Variants in GRM8 observed in about 807,000 individuals in gnomAD.
GRM8 encodes the protein metabotropic glutamate receptor 8.
In GRM8, 47 loss-of-function variants were observed where a neutral mutation model predicts 87.2. That is an observed-to-expected ratio of 0.54 (90% CI 0.43 to 0.69). GRM8 has a LOEUF of 0.69. GRM8 is among the 30% of genes least tolerant of loss of function. The pLI, the probability that GRM8 is intolerant of heterozygous loss-of-function variation, is 0.00. For synonymous variants in GRM8, 396 were observed against 404.5 expected, an observed-to-expected ratio of 0.98 and a Z score of 0.25; for missense variants, 1,019 against 1,139.2, an observed-to-expected ratio of 0.89 and a Z score of 1.52.
chr7:126,745,882 T>A (rs1386578261), intron 7 of GRM8, among the ~76,000 whole-genome samples: 3 of 151,848 alleles, frequency 2.0e-5, no homozygotes, highest in African/African-American at 7.2e-5. Flanking sequence ...CTGTATTCCA[T>A]TTATGGCATC....
intron 6 of GRM8, among the ~76,000 whole-genome samples, chr7:126,844,698 G>A (rs1410903075): frequency 1.3e-5 from 2 of 152,104 alleles, no homozygotes; most frequent in Non-Finnish European, 2.9e-5. Flanking sequence ...TCTGGGGAGA[G>A]CTCTCTTTCT....
chr7:127,250,000 A>G (rs1311439084), intron 1 of GRM8, among the ~76,000 whole-genome samples: 2 of 152,178 alleles, frequency 1.3e-5, no homozygotes, highest in Non-Finnish European at 2.9e-5. Context: ...AACTAAAGCA[A>G]GGTCATCTTT....
At chr7:127,172,257 A>G (rs1793847304) in intron 2 of GRM8, among the ~76,000 whole-genome samples, 1 of 152,150 alleles carries the variant, frequency 6.6e-6, no homozygotes, top group South Asian at 2.1e-4. Flanking sequence ...TTACTGTCAT[A>G]AACCAATAAT....
At chr7:127,055,482 A>C (rs1019755149) in intron 3 of GRM8, among the ~76,000 whole-genome samples, 1 of 152,210 alleles carries the variant, frequency 6.6e-6, no homozygotes, top group Non-Finnish European at 1.5e-5. Context: ...TAGGGAATTA[A>C]GTCACTAGTG....
At chr7:127,055,770 A>G (rs1310529771) in intron 3 of GRM8, among the ~76,000 whole-genome samples, 2 of 152,128 alleles carry the variant, frequency 1.3e-5, no homozygotes, top group African/African-American at 4.8e-5. Flanking sequence ...AATGTGTAAC[A>G]ATGCAGAAGA....
chr7:126,925,002 A>G (rs1804946996), intron 3 of GRM8, among the ~76,000 whole-genome samples: 1 of 152,180 alleles, frequency 6.6e-6, no homozygotes. Flanking sequence ...AAGAAAAGAT[A>G]TAGAAATGGA....
chr7:126,949,249 AG>A (rs1216771041), intron 3 of GRM8, among the ~76,000 whole-genome samples: 7 of 152,180 alleles, frequency 4.6e-5, no homozygotes, highest in African/African-American at 1.7e-4. Flanking sequence ...TGGTCCTAAA[AG>A]AACTCTCCTC....
chr7:126,829,972 G>C (rs1391187911), intron 6 of GRM8, among the ~76,000 whole-genome samples: 1 of 152,014 alleles, frequency 6.6e-6, no homozygotes, highest in Non-Finnish European at 1.5e-5. Flanking sequence ...AGCTTAGTTT[G>C]GCTGAATATG....
rs549967201 is a variant in GRM8 at position 126,470,499 on chromosome 7, T to G, written c.2431-24127A>C. ...AATGATGATTTCCAATTTCATCCATTTCCCTACAAAGGACATGAACTCATC... is the reference window on the plus strand; with the variant it reads ...AATGATGATTTCCAATTTCATCCATGTCCCTACAAAGGACATGAACTCATC... On this transcript the variant is annotated intron_variant, in intron 9 of 10. Coordinates refer to ENST00000339582, the MANE Select transcript of GRM8 (RefSeq NM_000845.3). Among the ~76,000 whole-genome samples, 5 of 152,136 alleles carry G rather than the reference T, an allele frequency of 3.3e-5. No individual in the cohort carries two copies. The South Asian group carries it at 6.2e-4, about 19-fold the overall frequency.
At chr7:126,675,770 C>T (rs10229382) in intron 7 of GRM8, among the ~76,000 whole-genome samples, 2,989 of 152,172 alleles carry the variant, frequency 0.02, 103 homozygotes, top group African/African-American at 0.069. Flanking sequence ...TATGACAAAC[C>T]CATAGCCAGC....
intron 3 of GRM8, among the ~76,000 whole-genome samples, chr7:127,097,979 T>G (rs1586994866): frequency 6.6e-6 from 1 of 152,202 alleles, no homozygotes; most frequent in Non-Finnish European, 1.5e-5. Flanking sequence ...ATGGCTGGGG[T>G]GAAGAACAGC....
intron 9 of GRM8, among the ~76,000 whole-genome samples, chr7:126,481,731 T>G (rs1161159654): frequency 1.3e-5 from 2 of 152,066 alleles, no homozygotes; most frequent in African/African-American, 4.8e-5. Context: ...CAGGGTTAGA[T>G]CTTACGACTC....
At chr7:126,651,849 T>C (rs557718705) in intron 7 of GRM8, among the ~76,000 whole-genome samples, 47 of 152,288 alleles carry the variant, frequency 3.1e-4, no homozygotes, top group Non-Finnish European at 6.0e-4. Context: ...TGCCCTGTGA[T>C]TCAGGTCAAT....
intron 9 of GRM8, among the ~76,000 whole-genome samples, chr7:126,502,793 G>T (rs1809843096): frequency 6.6e-6 from 1 of 151,972 alleles, no homozygotes; most frequent in Non-Finnish European, 1.5e-5. Context: ...ATAATTTGGG[G>T]TGTCCAATAT....
intron 3 of GRM8, among the ~76,000 whole-genome samples, chr7:126,921,713 G>A (rs1804552926): frequency 6.6e-6 from 1 of 151,992 alleles, no homozygotes. Context: ...TGAAAAGAAA[G>A]CAAGTTAACT....
At chr7:126,931,352 G>A (rs918034502) in intron 3 of GRM8, among the ~76,000 whole-genome samples, 1 of 152,016 alleles carries the variant, frequency 6.6e-6, no homozygotes, top group African/African-American at 2.4e-5. Flanking sequence ...AATCTCTAGG[G>A]GCTTATGCAT....
intron 5 of GRM8, 148 bp downstream of exon 5, chr7:126,903,824 T>C (rs557876849): frequency 5.1e-6 from 2 of 393,286 alleles, no homozygotes; most frequent in Non-Finnish European, 9.2e-6. Context: ...CTGGTTTAAA[T>C]ACTGGTCTTG....
chr7:127,176,903 CA>C (rs1342821688), intron 2 of GRM8, among the ~76,000 whole-genome samples: 3 of 152,158 alleles, frequency 2.0e-5, no homozygotes, highest in African/African-American at 7.2e-5. Context: ...CACAGGGATC[CA>C]TTGGGAGGGT....
At chr7:127,005,574 G>A (rs1263384981) in intron 3 of GRM8, among the ~76,000 whole-genome samples, 2 of 151,552 alleles carry the variant, frequency 1.3e-5, no homozygotes, top group Non-Finnish European at 3.0e-5. Flanking sequence ...TGCCAAGCAT[G>A]ATTCTATTTG....
Sources: allele counts gnomAD v4.1 joint callset (sites outside exome capture counted in the v4.1 genomes callset), GRCh38; gene constraint gnomAD v4.1.1; transcripts MANE v1.5; gene names NCBI Gene and HGNC (gene_info 2026-07-23, HGNC 2026-07-21).